Variants in ITGB1 observed in about 807,000 individuals in gnomAD.
ITGB1 encodes the protein integrin subunit beta 1.
A neutral mutation model predicts 86.5 loss-of-function variants in ITGB1; 24 were observed. The observed-to-expected ratio is 0.28, with a 90% CI of 0.20 to 0.39. ITGB1 has a LOEUF of 0.39. ITGB1 is among the 10% of genes least tolerant of loss of function. ITGB1 has a pLI of 1.00. For synonymous variants in ITGB1, 323 were observed against 316.8 expected, an observed-to-expected ratio of 1.02 and a Z score of -0.21; for missense variants, 556 against 946.9, an observed-to-expected ratio of 0.59 and a Z score of 5.42.
At chr10:32,912,969 AG>A (rs1490959437) in intron 11 of ITGB1, among the ~76,000 whole-genome samples, 1 of 152,194 alleles carries the variant, frequency 6.6e-6, no homozygotes, top group Non-Finnish European at 1.5e-5. Context: ...AAGCTTCCAG[AG>A]GAAGGATCAG....
At chr10:32,901,790 A>G (rs992233941) in intron 15 of ITGB1, among the ~76,000 whole-genome samples, 155 bp from the exon 16 acceptor site, 2 of 152,238 alleles carry the variant, frequency 1.3e-5, no homozygotes, top group Non-Finnish European at 2.9e-5. Flanking sequence ...GGCATTAATA[A>G]TGGTTTATAT....
At chr10:32,947,747 C>G (rs1055848184) in intron 1 of ITGB1, among the ~76,000 whole-genome samples, 24 of 152,204 alleles carry the variant, frequency 1.6e-4, no homozygotes, top group African/African-American at 5.8e-4. Flanking sequence ...TTTGTGGCAT[C>G]TACCGTTGTA....
At chr10:32,954,251 C>T (rs1336283428) in intron 1 of ITGB1, among the ~76,000 whole-genome samples, 1 of 152,088 alleles carries the variant, frequency 6.6e-6, no homozygotes, top group Non-Finnish European at 1.5e-5. Flanking sequence ...ATCATTTCCC[C>T]TCTGCTCCAG....
At chr10:32,955,807 T>C (rs964970293) in intron 1 of ITGB1, 1 of 152,188 alleles carries the variant, frequency 6.6e-6, no homozygotes, top group Non-Finnish European at 1.5e-5. Context: ...ATTGTTAAAA[T>C]TACTAAATCC....
In ITGB1 at chr10:32,910,205, C is replaced by CA; in HGVS notation, c.2164+17dup. Reference sequence around the variant, plus strand: ...ATACAAGATATGAAAAGAATGTCTGCAATCATCGCATTTCTACCTGGATTC... The same window carrying CA: ...ATACAAGATATGAAAAGAATGTCTGCAAATCATCGCATTTCTACCTGGATTC... On this transcript the variant is annotated intron_variant, in intron 14 of 15. Coordinates refer to ENST00000302278, the MANE Select transcript of ITGB1 (RefSeq NM_002211.4). The CA allele has an allele frequency of 6.5e-7, 1 of 1,543,068 alleles. No individual in the cohort carries two copies. The highest frequency in any genetic ancestry group is 2.2e-5 in the East Asian group (1 of 44,492).
At chr10:32,927,773 G>A (rs965951919) in intron 5 of ITGB1, among the ~76,000 whole-genome samples, 7 of 152,136 alleles carry the variant, frequency 4.6e-5, no homozygotes, top group African/African-American at 1.4e-4. Flanking sequence ...CAGTCTGGGC[G>A]ACAAGAGTGA....
chr10:32,914,487 A>G (rs997793059), intron 11 of ITGB1, among the ~76,000 whole-genome samples: 4 of 152,194 alleles, frequency 2.6e-5, no homozygotes, highest in Non-Finnish European at 5.9e-5. Flanking sequence ...AAGCAAATGG[A>G]AAACAAAAAA....
chr10:32,924,376 A>G (rs1200711318), intron 6 of ITGB1, among the ~76,000 whole-genome samples: 1 of 152,204 alleles, frequency 6.6e-6, no homozygotes, highest in Non-Finnish European at 1.5e-5. Context: ...TCTTGTCACT[A>G]TGGTAATTTA....
At chr10:32,942,683 CT>C (rs756465879) in intron 1 of ITGB1, among the ~76,000 whole-genome samples, 19,747 of 90,990 alleles carry the variant, frequency 0.22, 1,577 homozygotes, top group Non-Finnish European at 0.32. Context: ...CTCTCTCTCT[CT>C]TTTTTTTTTT....
chr10:32,932,765 T>C (rs1419538691), intron 2 of ITGB1, 165 bp from the exon 3 acceptor site: 5 of 525,550 alleles, frequency 9.5e-6, no homozygotes, highest in Admixed American at 6.4e-5. Context: ...GATTTTTTAA[T>C]TTAATTTTTA....
chr10:32,916,876 A>G (rs897303258), intron 11 of ITGB1, among the ~76,000 whole-genome samples: 2 of 152,242 alleles, frequency 1.3e-5, no homozygotes, highest in African/African-American at 4.8e-5. Context: ...AAGAGCCTGC[A>G]TTGCCAAGAC....
In ITGB1 at chr10:32,920,304, C is replaced by T. The variant is rs779035544; in HGVS notation, c.1210G>A (p.Gly404Arg). 1.4e-5 allele frequency: 23 copies of T among 1,613,286 alleles called. No homozygotes were observed. In the Admixed American group the frequency reaches 1.8e-4, roughly 13 times the overall value. The change falls in exon 10 of 16, where the codon GGG becomes AGG. Residue 404 changes from glycine to arginine, a missense_variant. Transcript: ENST00000302278. ...CCATTTTCCCCTGTTCCATTCACCC[C>T]GTTCTTGCAGTAAGATTTGTAACTT... ...TISYKSYCKN[G>R]VNGTGENGRK...
chr10:32,915,748 G>A (rs1259925369), intron 11 of ITGB1, among the ~76,000 whole-genome samples: 2 of 152,112 alleles, frequency 1.3e-5, no homozygotes, highest in Admixed American at 1.3e-4. Flanking sequence ...AACAGAAGCT[G>A]GTACCATTCC....
chr10:32,915,580 C>A (rs1309717463), intron 11 of ITGB1, among the ~76,000 whole-genome samples: 1 of 152,108 alleles, frequency 6.6e-6, no homozygotes, highest in East Asian at 1.9e-4. Flanking sequence ...TGGATAAATT[C>A]CTGGACAAAT....
At chr10:32,942,788 A>G (rs2095022140) in intron 1 of ITGB1, among the ~76,000 whole-genome samples, 1 of 151,250 alleles carries the variant, frequency 6.6e-6, no homozygotes, top group Non-Finnish European at 1.5e-5. Context: ...GGGCTCAGGC[A>G]ATCCTCCCAT....
At chr10:32,919,728 C>T (rs974801130) in intron 11 of ITGB1, among the ~76,000 whole-genome samples, 157 bp downstream of exon 11, 3 of 152,084 alleles carry the variant, frequency 2.0e-5, no homozygotes, top group African/African-American at 7.2e-5. Flanking sequence ...AAATATCACA[C>T]ACAAGATCAT....
chr10:32,923,310 G>A (rs1055157431), intron 7 of ITGB1, among the ~76,000 whole-genome samples: 4 of 152,116 alleles, frequency 2.6e-5, no homozygotes, highest in Non-Finnish European at 5.9e-5. Context: ...CAAATGCTGT[G>A]GGCGGGGAGT....
chr10:32,938,857 G>A (rs969570129), intron 1 of ITGB1, among the ~76,000 whole-genome samples: 2 of 152,184 alleles, frequency 1.3e-5, no homozygotes, highest in Non-Finnish European at 2.9e-5. Context: ...ACAGGACCAG[G>A]GGGCGGAGAG....
intron 1 of ITGB1, among the ~76,000 whole-genome samples, chr10:32,950,239 G>A (rs2095040012): frequency 6.6e-6 from 1 of 152,128 alleles, no homozygotes; most frequent in Non-Finnish European, 1.5e-5. Flanking sequence ...TATTCCAGAA[G>A]AAGAACACAG....
Sources: gnomAD v4.1 joint callset for allele counts (sites outside exome capture counted in the v4.1 genomes callset) on GRCh38, gnomAD v4.1.1 for gene constraint, MANE v1.5 for transcripts, NCBI Gene and HGNC (gene_info 2026-07-23, HGNC 2026-07-21) for gene names.